Variants in HPSE2 observed in about 807,000 individuals in gnomAD.
The protein encoded by HPSE2 is inactive heparanase-2.
A neutral mutation model predicts 60.5 loss-of-function variants in HPSE2; 38 were observed. That is an observed-to-expected ratio of 0.63 (90% CI 0.48 to 0.82). The LOEUF is 0.82. Ranked by LOEUF, HPSE2 falls within the 40% of genes least tolerant of loss-of-function variation. The probability of loss-of-function intolerance (pLI) is 0.00; values close to 1 mark genes in which losing one functional copy is unlikely to be tolerated. For synonymous variants in HPSE2, 295 were observed against 293.2 expected, an observed-to-expected ratio of 1.01 and a Z score of -0.06; for missense variants, 713 against 740.4, an observed-to-expected ratio of 0.96 and a Z score of 0.43.
chr10:98,978,070 A>G (rs796359167), intron 3 of HPSE2, among the ~76,000 whole-genome samples: 13 of 152,238 alleles, frequency 8.5e-5, no homozygotes, highest in African/African-American at 3.1e-4. Context: ...CCACATAGCT[A>G]GTACAAGGTA....
In HPSE2 at chr10:99,184,819, TAGAGAGAGAGAGAGAGAGAGAG is replaced by T. The variant is rs1177556672; in HGVS notation, c.449-40442_449-40421del. ...ATATATATATATATATATATATATA[TAGAGAGAGAGAGAGAGAGAGAG>T]AGAGAGAGAGAGAGAGAGAGAGACA... On this transcript the variant is annotated intron_variant, in intron 2 of 11. Coordinates refer to ENST00000370552, the MANE Select transcript of HPSE2 (RefSeq NM_021828.5). 2.7e-3 allele frequency among the ~76,000 whole-genome samples: 53 copies of T among 19,860 alleles called. 4 individuals are homozygous for T. Among genetic ancestry groups the T allele is most frequent in the East Asian group, 0.019 (10 of 518 alleles). 13.0% of individuals were successfully genotyped at this position (19,860 alleles called of 152,430 possible). A position where few individuals can be genotyped will look rare whatever the true frequency, so the allele number is the denominator to read the frequency against.
At chr10:99,188,000 A>T (rs1848090287) in intron 2 of HPSE2, among the ~76,000 whole-genome samples, 1 of 152,230 alleles carries the variant, frequency 6.6e-6, no homozygotes, top group Non-Finnish European at 1.5e-5. Context: ...TCAGGTGGTA[A>T]ATGGATAAGC....
chr10:98,526,175 C>T (rs1185492626), intron 9 of HPSE2, among the ~76,000 whole-genome samples: 2 of 152,046 alleles, frequency 1.3e-5, no homozygotes, highest in Admixed American at 6.6e-5. Flanking sequence ...TGGGTGTGGG[C>T]GGAAGGTATA....
chr10:99,102,679 A>C (rs1185806619), intron 3 of HPSE2, among the ~76,000 whole-genome samples: 1 of 152,178 alleles, frequency 6.6e-6, no homozygotes, highest in Non-Finnish European at 1.5e-5. Context: ...GACACAACAA[A>C]AAAAGAGAAT....
At chr10:99,209,893 T>C (rs932794508) in intron 2 of HPSE2, among the ~76,000 whole-genome samples, 2 of 152,176 alleles carry the variant, frequency 1.3e-5, no homozygotes, top group African/African-American at 4.8e-5. Context: ...TTTCACCATA[T>C]TGATCAGACT....
At chr10:98,975,111 T>C (rs1956055406) in intron 3 of HPSE2, among the ~76,000 whole-genome samples, 1 of 152,212 alleles carries the variant, frequency 6.6e-6, no homozygotes, top group South Asian at 2.1e-4. Context: ...CCGCCTTATT[T>C]CCTAAGTGGA....
At chr10:99,257,099 C>A in the HPSE2 span, among the ~76,000 whole-genome samples, 1 of 152,292 alleles carries the variant, frequency 6.6e-6, no homozygotes, top group East Asian at 1.9e-4. Context: ...ATTTCCTACG[C>A]CTGTCTTTAA....
In HPSE2 at chr10:98,628,663, A is replaced by G. The variant is rs1235384548; in HGVS notation, c.1099-7955T>C. 2.0e-5 allele frequency among the ~76,000 whole-genome samples: 3 copies of G among 152,306 alleles called. No individual in the cohort carries two copies. The East Asian group carries it at 5.8e-4, about 29-fold the overall frequency. ...GGTGCATGTGGTCAAGGGGGCTTTC[A>G]GGTACCCTGAAAATTGCTCAGTAAA... On this transcript the variant is annotated intron_variant, in intron 7 of 11. Coordinates refer to ENST00000370552, the MANE Select transcript of HPSE2 (RefSeq NM_021828.5).
At chr10:99,194,868 G>A (rs965302898) in intron 2 of HPSE2, among the ~76,000 whole-genome samples, 2 of 151,946 alleles carry the variant, frequency 1.3e-5, no homozygotes, top group Non-Finnish European at 1.5e-5. Flanking sequence ...AGAGAAGAAG[G>A]AAGAACTTCC....
intron 3 of HPSE2, among the ~76,000 whole-genome samples, chr10:98,960,531 G>A (rs1955626572): frequency 6.6e-6 from 1 of 151,882 alleles, no homozygotes; most frequent in South Asian, 2.1e-4. Flanking sequence ...ATGAGTAAAT[G>A]TGGGAGATAC....
At chr10:99,285,503 AGGAAAG>A in the HPSE2 span, among the ~76,000 whole-genome samples, 1 of 90,052 alleles carries the variant, frequency 1.1e-5, no homozygotes, top group Non-Finnish European at 2.0e-5. Context: ...AGGGAGGGAA[AGGAAAG>A]GGAAGGAGTA....
intron 3 of HPSE2, among the ~76,000 whole-genome samples, chr10:99,046,423 A>G (rs1307507936): frequency 6.6e-6 from 1 of 152,148 alleles, no homozygotes; most frequent in Non-Finnish European, 1.5e-5. Flanking sequence ...CTGGAATAAG[A>G]CAACAATGTC....
At chr10:98,610,788 C>A (rs1421510471) in intron 9 of HPSE2, among the ~76,000 whole-genome samples, 1 of 152,216 alleles carries the variant, frequency 6.6e-6, no homozygotes, top group Non-Finnish European at 1.5e-5. Flanking sequence ...AAGCCAGACA[C>A]AACCGAGGTG....
intron 2 of HPSE2, among the ~76,000 whole-genome samples, chr10:99,215,440 C>T (rs1313826771): frequency 6.6e-6 from 1 of 152,114 alleles, no homozygotes; most frequent in African/African-American, 2.4e-5. Flanking sequence ...GGGAGGGAAA[C>T]ATCACCACCA....
intron 3 of HPSE2, among the ~76,000 whole-genome samples, chr10:98,809,344 T>C (rs1951114297): frequency 6.6e-6 from 1 of 152,118 alleles, no homozygotes; most frequent in South Asian, 2.1e-4. Context: ...ATTTCTTCCA[T>C]AATACAACCT....
Position 98,911,753 on chromosome 10 carries a change from A to C in HPSE2, c.611-167697T>G, listed in dbSNP as rs190044034. ...TTCAGTATTAACACAGTAGTACTGCAAAAAAGGATCACTGGAAAGAAATAG... is the reference window on the plus strand; with the variant it reads ...TTCAGTATTAACACAGTAGTACTGCCAAAAAGGATCACTGGAAAGAAATAG... On this transcript the variant is annotated intron_variant, in intron 3 of 11. Transcript: ENST00000370552. Among the ~76,000 whole-genome samples, 357 of 152,254 alleles carry C rather than the reference A, an allele frequency of 2.3e-3. 1 individual carries two copies. Among genetic ancestry groups the C allele is most frequent in the Non-Finnish European group, 3.5e-3 (235 of 68,026 alleles).
At chr10:99,016,977 A>C (rs1205135356) in intron 3 of HPSE2, among the ~76,000 whole-genome samples, 1 of 152,174 alleles carries the variant, frequency 6.6e-6, no homozygotes, top group African/African-American at 2.4e-5. Flanking sequence ...TCTTTAAACA[A>C]GGATAGTTTG....
intron 3 of HPSE2, among the ~76,000 whole-genome samples, chr10:98,860,404 C>T (rs1405706239): frequency 6.6e-6 from 1 of 152,110 alleles, no homozygotes; most frequent in African/African-American, 2.4e-5. Context: ...TTTGCTCATG[C>T]TGTTCAGTCA....
chr10:99,308,398 G>GAAAAAAAAAAAAAAA, the HPSE2 span, among the ~76,000 whole-genome samples: 81 of 56,436 alleles, frequency 1.4e-3, no homozygotes, highest in Non-Finnish European at 1.7e-3. Context: ...AAAAAAAAAG[G>GAAAAAAAAAAAAAAA]AAACCATCAA....
Sources: allele counts gnomAD v4.1 joint callset (sites outside exome capture counted in the v4.1 genomes callset), GRCh38; gene constraint gnomAD v4.1.1; transcripts MANE v1.5; gene names NCBI Gene and HGNC (gene_info 2026-07-23, HGNC 2026-07-21).